Variants in BAZ1B observed in about 807,000 individuals in gnomAD.
The protein encoded by BAZ1B is bromodomain adjacent to zinc finger domain 1B, also known as tyrosine-protein kinase BAZ1B.
Under a neutral mutation model 153.8 loss-of-function variants are expected in BAZ1B, and 22 were observed. The ratio of observed to expected loss-of-function variants is 0.14; its 90% confidence interval spans 0.10 to 0.20. The LOEUF is 0.20. Among genes scored for constraint, BAZ1B ranks in the 10% least tolerant of loss-of-function variants. BAZ1B has a pLI of 1.00. For synonymous variants in BAZ1B, 676 were observed against 633.4 expected, an observed-to-expected ratio of 1.07 and a Z score of -1.01; for missense variants, 1,325 against 1,799.3, an observed-to-expected ratio of 0.74 and a Z score of 4.77.
chr7:73,471,316 A>G (rs1418273167), intron 7 of BAZ1B, among the ~76,000 whole-genome samples: 2 of 152,070 alleles, frequency 1.3e-5, no homozygotes, highest in Non-Finnish European at 2.9e-5. Context: ...TTGAACACCT[A>G]TTTTTCTAAT....
chr7:73,488,911 T>C (rs1274378547), intron 6 of BAZ1B, among the ~76,000 whole-genome samples: 1 of 152,096 alleles, frequency 6.6e-6, no homozygotes, highest in Non-Finnish European at 1.5e-5. Context: ...ATTTATACCA[T>C]ACCTCATTCC....
chr7:73,464,904 GT>G (rs34551438), intron 11 of BAZ1B, among the ~76,000 whole-genome samples: 9,202 of 144,644 alleles, frequency 0.064, 315 homozygotes, highest in African/African-American at 0.08. Context: ...TTTTTGTTTT[GT>G]TTTTTTTTTT....
intron 12 of BAZ1B, 133 bp from the exon 13 acceptor site, chr7:73,459,851 C>T (rs1377225116): frequency 1.3e-6 from 1 of 769,642 alleles, no homozygotes; most frequent in African/African-American, 1.8e-5. Flanking sequence ...GAGCCACATA[C>T]CATTAATTTA....
chr7:73,479,395 G>A (rs1043651394), intron 6 of BAZ1B, among the ~76,000 whole-genome samples: 6 of 151,392 alleles, frequency 4.0e-5, no homozygotes, highest in Admixed American at 1.3e-4. Context: ...TGTCACCCCA[G>A]CTACTCGGGA....
In BAZ1B at chr7:73,499,168, T is replaced by C. The variant is rs536965123; in HGVS notation, c.370-470A>G. On this transcript the variant is annotated intron_variant, in intron 3 of 19. Coordinates refer to ENST00000339594, the MANE Select transcript of BAZ1B (RefSeq NM_032408.4). ...TCAGCCTCCGGAGTAGCTGGGACTA[T>C]AGGCACGCACCATCGTGCCAGGCTA... Among the ~76,000 whole-genome samples the C allele has an allele frequency of 3.9e-5, 6 of 152,170 alleles. No homozygotes were observed. In the East Asian group the frequency reaches 7.7e-4, roughly 20 times the overall value.
At chr7:73,513,540 T>C (rs1481610810) in intron 1 of BAZ1B, among the ~76,000 whole-genome samples, 6 of 151,986 alleles carry the variant, frequency 3.9e-5, no homozygotes, top group African/African-American at 1.4e-4. Context: ...ACCGAAAAAT[T>C]TTCAAACTTA....
Position 73,521,902 on chromosome 7 carries a change from G to A in BAZ1B, c.32C>T (p.Pro11Leu). ...CTCTCCGGGCAACGGCTTCACCAGC[G>A]GGAAGGGCTTGCGGCCCAGGAGCGG... MAPLLGRKPF[P>L]LVKPLPGEEP... The change falls in exon 1 of 20, where the codon CCG becomes CTG. Residue 11 changes from proline (P) to leucine (L), a missense_variant. Coordinates refer to ENST00000339594, the MANE Select transcript of BAZ1B (RefSeq NM_032408.4). The A allele has an allele frequency of 6.7e-7, 1 of 1,496,326 alleles. No homozygotes were observed. Among genetic ancestry groups the A allele is most frequent in the Non-Finnish European group, 8.9e-7 (1 of 1,118,310 alleles). The allele number at this position is 1,496,326 out of a possible 1,614,324, so 92.7% of individuals were successfully genotyped here. A position where few individuals can be genotyped will look rare whatever the true frequency, so the allele number is the denominator to read the frequency against.
At chr7:73,520,740 G>C (rs543371521) in intron 1 of BAZ1B, among the ~76,000 whole-genome samples, 2 of 152,204 alleles carry the variant, frequency 1.3e-5, no homozygotes, top group African/African-American at 4.8e-5. Flanking sequence ...GAGGATCAGG[G>C]AGAAATGAAA....
At chr7:73,483,218 C>A (rs1291169730) in intron 6 of BAZ1B, among the ~76,000 whole-genome samples, 1 of 152,170 alleles carries the variant, frequency 6.6e-6, no homozygotes, top group Non-Finnish European at 1.5e-5. Flanking sequence ...AAACTCACCA[C>A]AACCACAAAT....
At chr7:73,443,645 G>A (rs782737707) in intron 17 of BAZ1B, among the ~76,000 whole-genome samples, 2 of 152,234 alleles carry the variant, frequency 1.3e-5, no homozygotes, top group Non-Finnish European at 2.9e-5. Context: ...AACAGTAAGT[G>A]AGGCTCCAGC....
intron 3 of BAZ1B, 93 bp downstream of exon 3, chr7:73,508,232 AAC>A (rs1303758527): frequency 7.5e-5 from 97 of 1,289,850 alleles, no homozygotes; most frequent in East Asian, 1.4e-4. Flanking sequence ...TACTAAATAT[AAC>A]ACAGTTTTAC....
chr7:73,490,855 T>C (rs1789610761), intron 5 of BAZ1B, among the ~76,000 whole-genome samples: 1 of 151,852 alleles, frequency 6.6e-6, no homozygotes, highest in African/African-American at 2.4e-5. Context: ...TCCACCTGCC[T>C]CGGCCTCCCA....
chr7:73,485,097 A>AT (rs1197838429), intron 6 of BAZ1B, among the ~76,000 whole-genome samples: 1 of 152,008 alleles, frequency 6.6e-6, no homozygotes, highest in Non-Finnish European at 1.5e-5. Flanking sequence ...AATATCCTTG[A>AT]TTTTTTTGTT....
chr7:73,515,640 T>C (rs1790768563), intron 1 of BAZ1B, among the ~76,000 whole-genome samples: 2 of 150,668 alleles, frequency 1.3e-5, no homozygotes, highest in South Asian at 2.1e-4. Context: ...TGGACTCAAG[T>C]GATCCTCCCA....
intron 4 of BAZ1B, among the ~76,000 whole-genome samples, chr7:73,498,095 G>A (rs2116409857): frequency 6.6e-6 from 1 of 152,160 alleles, no homozygotes; most frequent in Middle Eastern, 3.4e-3. Context: ...GAGTAGCTGG[G>A]ATTATAGGCA....
At chr7:73,460,959 T>C (rs940535757) in intron 12 of BAZ1B, among the ~76,000 whole-genome samples, 2 of 149,236 alleles carry the variant, frequency 1.3e-5, no homozygotes, top group South Asian at 2.1e-4. Context: ...ATCTCTCTCT[T>C]TTTTTTTTTG....
intron 6 of BAZ1B, among the ~76,000 whole-genome samples, chr7:73,484,528 C>T (rs1331721788): frequency 6.6e-6 from 1 of 151,934 alleles, no homozygotes; most frequent in Non-Finnish European, 1.5e-5. Flanking sequence ...CCTGTGGTCT[C>T]GGCTACTCAG....
chr7:73,504,060 T>G (rs575039463), intron 3 of BAZ1B, among the ~76,000 whole-genome samples: 14 of 152,360 alleles, frequency 9.2e-5, no homozygotes, highest in African/African-American at 3.4e-4. Flanking sequence ...CTTCCCCAAC[T>G]GCTGATAGGT....
At chr7:73,511,457 A>G (rs117956617) in intron 1 of BAZ1B, among the ~76,000 whole-genome samples, 3,472 of 152,048 alleles carry the variant, frequency 0.023, 67 homozygotes, top group Middle Eastern at 0.034. Context: ...TGAGACCAGG[A>G]GTTCGAGACC....
Sources: gnomAD v4.1 joint callset for allele counts (sites outside exome capture counted in the v4.1 genomes callset) on GRCh38, gnomAD v4.1.1 for gene constraint, MANE v1.5 for transcripts, NCBI Gene and HGNC (gene_info 2026-07-23, HGNC 2026-07-21) for gene names.